HECW2: variants seen among roughly 807,000 people sequenced by gnomAD.
HECW2 encodes HECT, C2 and WW domain containing E3 ubiquitin protein ligase 2.
A neutral mutation model predicts 175.2 loss-of-function variants in HECW2; 61 were observed. The observed-to-expected ratio is 0.35, with a 90% CI of 0.28 to 0.43. The LOEUF (loss-of-function observed/expected upper bound fraction) is 0.43. Among genes scored for constraint, HECW2 ranks in the 20% least tolerant of loss-of-function variants. HECW2 has a pLI of 1.00. For missense variants in HECW2, 1,524 were observed against 2,000.5 expected, an observed-to-expected ratio of 0.76 and a Z score of 4.54; for synonymous variants, 671 against 731.0, an observed-to-expected ratio of 0.92 and a Z score of 1.32.
intron 1 of HECW2, among the ~76,000 whole-genome samples, chr2:196,446,960 T>C (rs1479993479): frequency 6.6e-6 from 1 of 152,148 alleles, no homozygotes; most frequent in Non-Finnish European, 1.5e-5. Context: ...GTCATAAGAC[T>C]AGAAAAAGAA....
At chr2:196,430,200 T>G (rs1695668005) in intron 2 of HECW2, among the ~76,000 whole-genome samples, 1 of 152,200 alleles carries the variant, frequency 6.6e-6, no homozygotes, top group South Asian at 2.1e-4. Flanking sequence ...TCCATCAAGT[T>G]AGAAATAGTA....
At chr2:196,346,190 A>G (rs1209880846) in intron 2 of HECW2, among the ~76,000 whole-genome samples, 1 of 152,244 alleles carries the variant, frequency 6.6e-6, no homozygotes, top group African/African-American at 2.4e-5. Context: ...TCACTGTAAA[A>G]GTGTATGCAT....
intron 21 of HECW2, among the ~76,000 whole-genome samples, chr2:196,229,702 A>T: frequency 6.6e-6 from 1 of 152,232 alleles, no homozygotes; most frequent in East Asian, 1.9e-4. Flanking sequence ...TATAGGCAGA[A>T]GATAAATAAA....
intron 1 of HECW2, among the ~76,000 whole-genome samples, chr2:196,568,882 T>A (rs879647318): frequency 4.6e-5 from 7 of 152,168 alleles, no homozygotes; most frequent in Non-Finnish European, 8.8e-5. Context: ...CGCTGTAGCA[T>A]CCCCAGCATC....
chr2:196,215,758 C>T (rs1293158880), intron 28 of HECW2, 107 bp downstream of exon 28: 48 of 750,052 alleles, frequency 6.4e-5, no homozygotes, highest in South Asian at 7.5e-5. Context: ...AGAGCTTTTC[C>T]GCTCTCCCAA....
At chr2:196,337,068 G>C (rs1296466802) in intron 3 of HECW2, among the ~76,000 whole-genome samples, 1 of 152,176 alleles carries the variant, frequency 6.6e-6, no homozygotes, top group Non-Finnish European at 1.5e-5. Flanking sequence ...CTCTGAGTGG[G>C]AGTTTTCATC....
Position 196,319,044 on chromosome 2 carries a change from G to A in HECW2, c.1846C>T (p.Pro616Ser), listed in dbSNP as rs770165367. The A allele has an allele frequency of 1.5e-5, 24 of 1,613,574 alleles. No individual in the cohort carries two copies. The highest frequency in any genetic ancestry group is 5.1e-6 in the Non-Finnish European group (6 of 1,179,860). ...EPSQVSSETE[P>S]SDPARTESVS... ...CTCTCTGTCCTGGCAGGATCACTGG[G>A]TTCTGTTTCAGAGGACACCTGGGAA... The change falls in exon 9 of 29, where the codon CCC becomes TCC. Residue 616 changes from proline to serine, a missense_variant. Physicochemically the swap from Pro to Ser is moderately conservative, Grantham distance 74 (BLOSUM62 -1). Transcript: ENST00000644978.
Position 196,433,271 on chromosome 2 carries a change from G to T in HECW2, c.153C>A (p.Asp51Glu). The change falls in exon 2 of 29, where the codon GAC becomes GAA. Residue 51 changes from aspartate to glutamate, a missense_variant. Transcript: ENST00000644978. The stretch of plus-strand genomic sequence containing the variant: ...TGGAGCGGCTCTCAGAAGTCACCAG[G>T]TCGGTGTCGCTGTTGGCCCGCTGCA... ...MTLQRANSDT[D>E]LVTSESRSSL... 1 of 1,614,162 alleles carries T rather than the reference G, an allele frequency of 6.2e-7. No individual in the cohort carries two copies. The highest frequency in any genetic ancestry group is 8.5e-7 in the Non-Finnish European group (1 of 1,180,014).
intron 2 of HECW2, among the ~76,000 whole-genome samples, chr2:196,375,996 C>T (rs1694041282): frequency 1.3e-5 from 2 of 152,234 alleles, no homozygotes; most frequent in South Asian, 2.1e-4. Flanking sequence ...GGTCCAATTC[C>T]CTCTATCAGT....
At chr2:196,326,859 C>T (rs1267129861) in intron 5 of HECW2, among the ~76,000 whole-genome samples, 1 of 152,176 alleles carries the variant, frequency 6.6e-6, no homozygotes, top group Non-Finnish European at 1.5e-5. Flanking sequence ...ATTAGCCGTG[C>T]AGTCCCCATT....
At chr2:196,220,250 A>C (rs561112004) in intron 25 of HECW2, 97 bp from the exon 26 acceptor site, 1 of 785,998 alleles carries the variant, frequency 1.3e-6, no homozygotes, top group Non-Finnish European at 2.2e-6. Context: ...AGTTTCAGGA[A>C]TAATATGTGT....
intron 1 of HECW2, among the ~76,000 whole-genome samples, chr2:196,578,869 A>C (rs1690658525): frequency 6.6e-6 from 1 of 152,194 alleles, no homozygotes; most frequent in Non-Finnish European, 1.5e-5. Context: ...TGAGGCTGAA[A>C]TAAAAACAAC....
At chr2:196,268,626 A>G (rs1460074680) in intron 17 of HECW2, among the ~76,000 whole-genome samples, 1 of 152,222 alleles carries the variant, frequency 6.6e-6, no homozygotes, top group Non-Finnish European at 1.5e-5. Context: ...GGAGATTTAA[A>G]GATATGTTAA....
intron 18 of HECW2, 68 bp downstream of exon 18, chr2:196,257,755 T>C: frequency 3.7e-6 from 4 of 1,088,568 alleles, no homozygotes; most frequent in South Asian, 1.3e-5. Context: ...CATATTATTT[T>C]CTACAATGTT....
At chr2:196,449,035 C>G (rs1362200578) in intron 1 of HECW2, among the ~76,000 whole-genome samples, 1 of 152,152 alleles carries the variant, frequency 6.6e-6, no homozygotes. Context: ...AGTTCTGCCT[C>G]CCACTTCAAT....
At chr2:196,291,955 T>C in intron 14 of HECW2, 1 of 152,260 alleles carries the variant, frequency 6.6e-6, no homozygotes, top group East Asian at 1.9e-4. Context: ...GACTTCCTGA[T>C]TGTAACCAGG....
At chr2:196,544,822 C>A (rs1553536231) in intron 1 of HECW2, among the ~76,000 whole-genome samples, 2 of 152,124 alleles carry the variant, frequency 1.3e-5, no homozygotes, top group South Asian at 2.1e-4. Flanking sequence ...CAGTAAAGAA[C>A]AGGGGCTGGG....
chr2:196,475,364 A>C (rs1686542246), intron 1 of HECW2, among the ~76,000 whole-genome samples: 1 of 142,452 alleles, frequency 7.0e-6, no homozygotes, highest in African/African-American at 2.6e-5. Context: ...CGCAAAGGGA[A>C]GAGGGGAGAT....
intron 1 of HECW2, among the ~76,000 whole-genome samples, chr2:196,590,114 A>C (rs34084720): frequency 4.8e-4 from 73 of 152,304 alleles, no homozygotes; most frequent in Non-Finnish European, 8.1e-4. Flanking sequence ...GGGGTGATGA[A>C]AAAAATTCAG....
Sources: gnomAD v4.1 joint callset for allele counts (sites outside exome capture counted in the v4.1 genomes callset) on GRCh38, gnomAD v4.1.1 for gene constraint, MANE v1.5 for transcripts, NCBI Gene and HGNC (gene_info 2026-07-23, HGNC 2026-07-21) for gene names.